PCGF5: variants seen among roughly 807,000 people sequenced by gnomAD.
PCGF5 encodes the protein polycomb group ring finger 5.
PCGF5 carries 9 observed loss-of-function variants against 44.3 expected under a neutral mutation model. The ratio of observed to expected loss-of-function variants is 0.20; its 90% CI spans 0.12 to 0.35. PCGF5 has a LOEUF of 0.35. Ranked by LOEUF, PCGF5 falls within the 10% of genes least tolerant of loss-of-function variation. The pLI is 1.00. For missense variants in PCGF5, 146 were observed against 305.3 expected (o/e 0.48, Z 3.89); for synonymous variants, 95 against 102.5 (o/e 0.93, Z 0.44).
chr10:91,215,386 T>C (rs1326693284), upstream of PCGF5, among the ~76,000 whole-genome samples: 1 of 152,244 alleles, frequency 6.6e-6, no homozygotes, highest in Admixed American at 6.5e-5. Flanking sequence ...TTAATATGCA[T>C]ATAATAGTCA....
At chr10:91,183,974 C>T (rs1843870313) in intron 1 of PCGF5, among the ~76,000 whole-genome samples, 1 of 151,904 alleles carries the variant, frequency 6.6e-6, no homozygotes, top group African/African-American at 2.4e-5. Context: ...CCTGGCCTTT[C>T]TTTCTCACTG....
chr10:91,278,392 T>C lies in PCGF5; in HGVS notation c.*76T>C, dbSNP rs1846369183. On this transcript the variant is annotated 3_prime_UTR_variant, in exon 10 of 10. Coordinates refer to ENST00000336126, the MANE Select transcript of PCGF5 (RefSeq NM_032373.5). Reference sequence around the variant, plus strand: ...CGTCAACAGATTGCACAGTTAACGGTGTGTGGACTAGAGGAACACAACCAG... The same window carrying C: ...CGTCAACAGATTGCACAGTTAACGGCGTGTGGACTAGAGGAACACAACCAG... 3 of 1,311,856 alleles carry C rather than the reference T, an allele frequency of 2.3e-6. No individual in the cohort carries two copies. The highest frequency in any genetic ancestry group is 4.6e-5 in the East Asian group (2 of 43,348). The allele number at this position is 1,311,856 out of a possible 1,614,324, so 81.3% of individuals were successfully genotyped here. A position where few individuals can be genotyped will look rare whatever the true frequency, so the allele number is the denominator to read the frequency against.
Position 91,251,317 on chromosome 10 carries a change from G to T in PCGF5, c.351G>T (p.Pro117=). The T allele has an allele frequency of 6.2e-7, 1 of 1,609,456 alleles. No homozygotes were observed. ...GQDDTSKADK[P]KVDEEGDENE... is the part of the protein sequence containing the mutation. Reference sequence around the variant, plus strand: ...ATGATACTTCAAAAGCTGACAAACCGAAAGTAGATGAAGAAGGTGATGAAA... The same window carrying T: ...ATGATACTTCAAAAGCTGACAAACCTAAAGTAGATGAAGAAGGTGATGAAA... Residue 117 remains proline, a synonymous_variant, in exon 6 of 10, where the codon CCG becomes CCT. Transcript: ENST00000336126.
In PCGF5 at chr10:91,279,879, A is replaced by G. The variant is rs545488210; in HGVS notation, c.*1563A>G. On this transcript the variant is annotated 3_prime_UTR_variant, in exon 10 of 10. Transcript: ENST00000336126. ...ATTCTTAGAAATAAGATATTGTACA[A>G]CTCTAGCAAACATACAAAGTACAGC... 8 of 152,144 alleles carry G rather than the reference A, an allele frequency of 5.3e-5. No individual in the cohort carries two copies. The highest frequency in any genetic ancestry group is 1.9e-4 in the African/African-American group (8 of 41,558). 9.4% of individuals were successfully genotyped at this position (152,144 alleles called of 1,614,324 possible).
At position 91,279,448 on chromosome 10, in the gene PCGF5, G is replaced by A. The variant is rs1264028951; in HGVS notation, c.*1132G>A. 6.6e-6 allele frequency: 1 copy of A among 152,082 alleles called. No individual in the cohort carries two copies. Among genetic ancestry groups the A allele is most frequent in the Non-Finnish European group, 1.5e-5 (1 of 67,990 alleles). The allele number at this position is 152,082 out of a possible 1,614,324, so 9.4% of individuals were successfully genotyped here. A position where few individuals can be genotyped will look rare whatever the true frequency, so the allele number is the denominator to read the frequency against. The stretch of plus-strand genomic sequence containing the variant: ...TTAAGGGTATTTTATTTTAAATCCT[G>A]TAGTAATTGGGGAAATGAGAAGATT... On this transcript the variant is annotated 3_prime_UTR_variant, in exon 10 of 10. Coordinates refer to ENST00000336126, the MANE Select transcript of PCGF5 (RefSeq NM_032373.5).
intron 1 of PCGF5, among the ~76,000 whole-genome samples, chr10:91,200,381 T>C (rs557914095): frequency 6.5e-5 from 7 of 107,540 alleles, no homozygotes; most frequent in South Asian, 3.2e-4. Context: ...GTTCAACTAA[T>C]CTAGTTAAGA....
intron 5 of PCGF5, 36 bp downstream of exon 5, chr10:91,248,760 C>G (rs779592841): frequency 4.6e-6 from 7 of 1,527,924 alleles, no homozygotes; most frequent in African/African-American, 2.8e-5. Context: ...GACAGCACCT[C>G]TTAAACTGGT....
chr10:91,268,608 T>C (rs547825833), intron 8 of PCGF5, among the ~76,000 whole-genome samples: 2 of 152,298 alleles, frequency 1.3e-5, no homozygotes, highest in African/African-American at 4.8e-5. Flanking sequence ...GTGGAGTCTT[T>C]CATCTCTGAC....
At chr10:91,199,944 T>C (rs1844217197) in intron 1 of PCGF5, among the ~76,000 whole-genome samples, 1 of 152,104 alleles carries the variant, frequency 6.6e-6, no homozygotes, top group African/African-American at 2.4e-5. Context: ...CAATAAAGGG[T>C]ATAGTTTCAA....
At chr10:91,233,569 G>A (rs1845070417) in intron 2 of PCGF5, among the ~76,000 whole-genome samples, 3 of 152,070 alleles carry the variant, frequency 2.0e-5, no homozygotes, top group Admixed American at 2.0e-4. Context: ...ACATACATAA[G>A]AGAATAATTA....
At chr10:91,158,929 T>C (rs1356171081), upstream of PCGF5, among the ~76,000 whole-genome samples, 2 of 152,228 alleles carry the variant, frequency 1.3e-5, no homozygotes, top group South Asian at 4.1e-4. Context: ...AATACAGGTT[T>C]GCTGATAATT....
rs1037135659 is a variant in PCGF5, at chr10:91,169,116, G to A, written c.-184+6035G>A. Among the ~76,000 whole-genome samples, 62 of 152,104 alleles carry A rather than the reference G, an allele frequency of 4.1e-4. 1 individual carries two copies. Among genetic ancestry groups the A allele is most frequent in the African/African-American group, 1.5e-3 (62 of 41,480 alleles). On this transcript the variant is annotated intron_variant, in intron 1 of 9. Coordinates refer to the PCGF5 transcript ENST00000614189. ...GTAACCATACATGCAATTGCCCAGG[G>A]CAGTGCTAGTTCACACCAGTTTATT... is the stretch of plus-strand genomic sequence containing the variant.
chr10:91,216,297 A>G (rs1844537768), upstream of PCGF5, among the ~76,000 whole-genome samples: 1 of 152,190 alleles, frequency 6.6e-6, no homozygotes, highest in African/African-American at 2.4e-5. Flanking sequence ...GAAAGGATAT[A>G]TAAGGGTTGG....
intron 1 of PCGF5, among the ~76,000 whole-genome samples, chr10:91,201,490 C>T (rs1589365969): frequency 6.6e-6 from 1 of 152,096 alleles, no homozygotes; most frequent in South Asian, 2.1e-4. Context: ...TAGGTCCCAT[C>T]AAAGTGAAAG....
In PCGF5 at chr10:91,281,935, A is replaced by G. The variant is rs748285851; in HGVS notation, c.*3619A>G. Reference sequence around the variant, plus strand: ...TCTGCATGAAAAGTGAGAGAAATACATACTTTGAAAAGAAAGTTCAGATTT... The same window carrying G: ...TCTGCATGAAAAGTGAGAGAAATACGTACTTTGAAAAGAAAGTTCAGATTT... On this transcript the variant is annotated 3_prime_UTR_variant, in exon 10 of 10. Coordinates refer to ENST00000336126, the MANE Select transcript of PCGF5 (RefSeq NM_032373.5). 15 of 152,216 alleles carry G rather than the reference A, an allele frequency of 9.9e-5. No homozygotes were observed. Among genetic ancestry groups the G allele is most frequent in the East Asian group, 1.9e-4 (1 of 5,198 alleles). The allele number at this position is 152,216 out of a possible 1,614,324, so 9.4% of individuals were successfully genotyped here.
intron 1 of PCGF5, among the ~76,000 whole-genome samples, chr10:91,176,602 G>A (rs760059225): frequency 6.6e-6 from 1 of 152,146 alleles, no homozygotes; most frequent in Non-Finnish European, 1.5e-5. Context: ...TGGAGGCCTT[G>A]TTCATTTCTT....
At chr10:91,267,983 G>C (rs1022126255) in intron 8 of PCGF5, among the ~76,000 whole-genome samples, 2 of 152,136 alleles carry the variant, frequency 1.3e-5, no homozygotes, top group Non-Finnish European at 2.9e-5. Flanking sequence ...ACAAGGTTAA[G>C]ATTCTAATTT....
At chr10:91,204,343 A>AAC (rs1844303413) in intron 1 of PCGF5, among the ~76,000 whole-genome samples, 1 of 151,252 alleles carries the variant, frequency 6.6e-6, no homozygotes, top group Admixed American at 6.6e-5. Flanking sequence ...TTAAAAAAAA[A>AAC]CCCTTACATT....
At chr10:91,253,939 A>G (rs1845682945) in intron 6 of PCGF5, among the ~76,000 whole-genome samples, 1 of 152,068 alleles carries the variant, frequency 6.6e-6, no homozygotes, top group African/African-American at 2.4e-5. Flanking sequence ...TTGTGTTTCA[A>G]TAAAACATTA....
Sources: allele counts gnomAD v4.1 joint callset (sites outside exome capture counted in the v4.1 genomes callset), GRCh38; gene constraint gnomAD v4.1.1; transcripts MANE v1.5; gene names NCBI Gene and HGNC (gene_info 2026-07-23, HGNC 2026-07-21).